Variants in CD6 observed in about 807,000 individuals in gnomAD.
CD6 encodes the protein T-cell differentiation antigen CD6.
CD6 carries 53 observed loss-of-function variants against 75.3 expected under a neutral mutation model. The ratio of observed to expected loss-of-function variants is 0.70; its 90% CI spans 0.56 to 0.88. The LOEUF is 0.88. CD6 is among the 40% of genes least tolerant of loss of function. The pLI is 0.00. For synonymous variants in CD6, 359 were observed against 381.5 expected (o/e 0.94, Z 0.69); for missense variants, 770 against 897.1 (o/e 0.86, Z 1.81).
chr11:60,990,018 ATTTTG>A (rs1451371088), intron 1 of CD6, among the ~76,000 whole-genome samples: 5 of 152,066 alleles, frequency 3.3e-5, no homozygotes, highest in South Asian at 2.1e-4. Context: ...TTTTGTTTTT[ATTTTG>A]TTTTATTTTA....
intron 1 of CD6, among the ~76,000 whole-genome samples, chr11:60,976,071 G>A (rs746284897): frequency 1.4e-4 from 22 of 152,074 alleles, no homozygotes; most frequent in Non-Finnish European, 3.1e-4. Context: ...TTTGTTACAC[G>A]GATATATTAC....
chr11:60,988,390 G>A (rs1857912459), intron 1 of CD6, among the ~76,000 whole-genome samples: 1 of 152,212 alleles, frequency 6.6e-6, no homozygotes, highest in South Asian at 2.1e-4. Flanking sequence ...GCCCCCAGCT[G>A]TTAAGGACGC....
intron 1 of CD6, among the ~76,000 whole-genome samples, chr11:61,002,368 A>G (rs929687647): frequency 6.6e-6 from 1 of 152,192 alleles, no homozygotes; most frequent in African/African-American, 2.4e-5. Context: ...AACCTGGCCA[A>G]CATGGAGAAA....
intron 1 of CD6, among the ~76,000 whole-genome samples, chr11:61,005,129 A>T (rs533275953): frequency 2.4e-4 from 37 of 152,368 alleles, no homozygotes; most frequent in African/African-American, 8.4e-4. Flanking sequence ...AGGCCCACGC[A>T]TCAGTTGGGT....
chr11:61,018,575 T>A (rs1407530789), intron 12 of CD6, 182 bp downstream of exon 12: 3 of 584,662 alleles, frequency 5.1e-6, no homozygotes, highest in African/African-American at 3.7e-5. Flanking sequence ...AAGCCTGTAA[T>A]CCCAGCACAA....
Position 61,009,723 on chromosome 11 carries a change from G to T in CD6, c.933G>T (p.Ala311=). ...GCCAGTCCTTGGGCTGTGGAACTGC[G>T]GTTGAGAGGCCCAAGGGGCTGCCCC... ...VLCQSLGCGT[A]VERPKGLPHS... Residue 311 remains alanine (A), a synonymous_variant, in exon 5 of 13, where the codon GCG becomes GCT. Transcript: ENST00000313421. 2 of 1,614,078 alleles carry T rather than the reference G, an allele frequency of 1.2e-6. No homozygotes were observed. Among genetic ancestry groups the T allele is most frequent in the Non-Finnish European group, 1.7e-6 (2 of 1,180,018 alleles).
At chr11:60,983,146 G>T (rs1487931633) in intron 1 of CD6, among the ~76,000 whole-genome samples, 3 of 151,382 alleles carry the variant, frequency 2.0e-5, no homozygotes, top group Non-Finnish European at 4.4e-5. Flanking sequence ...GCCCAGGTTG[G>T]AGTGCAGTGT....
chr11:61,015,616 AC>A, intron 8 of CD6, 96 bp from the exon 9 acceptor site: 1 of 1,425,922 alleles, frequency 7.0e-7, no homozygotes, highest in South Asian at 1.2e-5. Context: ...CTCCCCTGCT[AC>A]TCTGCCTCTC....
chr11:60,994,634 C>T (rs1858218660), intron 1 of CD6, among the ~76,000 whole-genome samples: 1 of 151,976 alleles, frequency 6.6e-6, no homozygotes, highest in African/African-American at 2.4e-5. Context: ...AATCCTGTAA[C>T]ATAATACCAA....
rs190149734 is a variant in CD6, at chr11:61,019,820, G to T, written c.*502G>T. ...TGCTGAGCTGTTGTCACTGATCGGTGGGCGCTGGGGGGGTAGGGTAGCACA... is the reference window on the plus strand; with the variant it reads ...TGCTGAGCTGTTGTCACTGATCGGTTGGCGCTGGGGGGGTAGGGTAGCACA... On this transcript the variant is annotated 3_prime_UTR_variant, in exon 13 of 13. Transcript: ENST00000313421. 3.0e-5 allele frequency: 6 copies of T among 203,328 alleles called. No homozygotes were observed. The East Asian group carries it at 6.8e-4, about 23-fold the overall frequency. The allele number at this position is 203,328 out of a possible 1,614,324, so 12.6% of individuals were successfully genotyped here. A position where few individuals can be genotyped will look rare whatever the true frequency, so the allele number is the denominator to read the frequency against.
chr11:60,975,822 G>T (rs1177704226), intron 1 of CD6, among the ~76,000 whole-genome samples: 2 of 152,022 alleles, frequency 1.3e-5, no homozygotes, highest in Non-Finnish European at 2.9e-5. Flanking sequence ...GTAGGGGGAG[G>T]GTTGTCCTGG....
rs572269864 is a variant in CD6 at position 61,014,372 on chromosome 11, C to A, written c.1387+358C>A. ...CCCTATCAATGTCCTGCCCAATTGG[C>A]CTTGCGAAGCCCCATCAAGATTCTC... On this transcript the variant is annotated intron_variant, in intron 8 of 12. Transcript: ENST00000313421. Among the ~76,000 whole-genome samples, 34 of 152,330 alleles carry A rather than the reference C, an allele frequency of 2.2e-4. No homozygotes were observed. The South Asian group carries it at 3.3e-3, about 15-fold the overall frequency.
chr11:61,006,319 T>C (rs1041650090), intron 1 of CD6, among the ~76,000 whole-genome samples: 1 of 152,210 alleles, frequency 6.6e-6, no homozygotes, highest in Non-Finnish European at 1.5e-5. Flanking sequence ...CTGCCTTTCC[T>C]CCCTGTTCTA....
Position 60,996,606 on chromosome 11 carries a change from C to G in CD6, c.50-9968C>G, listed in dbSNP as rs1858308317. Among the ~76,000 whole-genome samples the G allele has an allele frequency of 2.6e-5, 4 of 152,340 alleles. No homozygotes were observed. The East Asian group carries it at 5.8e-4, about 22-fold the overall frequency. On this transcript the variant is annotated intron_variant, in intron 1 of 12. Coordinates refer to ENST00000313421, the MANE Select transcript of CD6 (RefSeq NM_006725.5). ...TCACTGCTCGGGACAAAAGGCCAGT[C>G]TTCATACACAAGATGCACGGTGGTC... is the stretch of plus-strand genomic sequence containing the variant.
intron 1 of CD6, among the ~76,000 whole-genome samples, chr11:60,979,561 G>T (rs1410682642): frequency 6.6e-6 from 1 of 151,916 alleles, no homozygotes; most frequent in East Asian, 1.9e-4. Flanking sequence ...CCGCCTCCCA[G>T]GTTCAAGCAA....
chr11:61,009,432 G>C (rs1859034698), intron 4 of CD6, 140 bp from the exon 5 acceptor site: 2 of 755,110 alleles, frequency 2.6e-6, no homozygotes, highest in Non-Finnish European at 4.1e-6. Context: ...GTGACAGGGG[G>C]ACACAGACAC....
intron 1 of CD6, among the ~76,000 whole-genome samples, chr11:61,003,615 T>C (rs1327587732): frequency 6.6e-6 from 1 of 152,106 alleles, no homozygotes; most frequent in Non-Finnish European, 1.5e-5. Context: ...GCGCCTGTAG[T>C]CCTAGCTACT....
chr11:60,986,715 G>T (rs1344561875), intron 1 of CD6, among the ~76,000 whole-genome samples: 1 of 152,142 alleles, frequency 6.6e-6, no homozygotes, highest in East Asian at 1.9e-4. Context: ...AATCCAGAAT[G>T]CCCTAGAAGC....
At chr11:61,012,445 C>G (rs1859196780) in intron 6 of CD6, among the ~76,000 whole-genome samples, 1 of 152,204 alleles carries the variant, frequency 6.6e-6, no homozygotes, top group Non-Finnish European at 1.5e-5. Context: ...AGATCCAGCT[C>G]CCATCCTGGC....
Sources: allele counts gnomAD v4.1 joint callset (sites outside exome capture counted in the v4.1 genomes callset), GRCh38; gene constraint gnomAD v4.1.1; transcripts MANE v1.5; gene names NCBI Gene and HGNC (gene_info 2026-07-23, HGNC 2026-07-21).